Variants in CCDC141 observed in about 807,000 individuals in gnomAD.
CCDC141 encodes coiled-coil domain-containing protein 141.
In CCDC141, 168 loss-of-function variants were observed where a neutral mutation model predicts 181.0. The ratio of observed to expected loss-of-function variants is 0.93; its 90% CI spans 0.82 to 1.05. The LOEUF is 1.05. Among genes scored for constraint, CCDC141 ranks in the 50% least tolerant of loss-of-function variants. The probability of loss-of-function intolerance (pLI) is 0.00; values close to 1 mark genes in which losing one functional copy is unlikely to be tolerated. For missense variants in CCDC141, 1,902 were observed against 1,788.5 expected (o/e 1.06, Z -1.14); for synonymous variants, 666 against 642.3 (o/e 1.04, Z -0.56).
chr2:178,987,287 C>A (rs1691798891), intron 2 of CCDC141, among the ~76,000 whole-genome samples: 1 of 151,990 alleles, frequency 6.6e-6, no homozygotes, highest in African/African-American at 2.4e-5. Context: ...GAACCTGGAT[C>A]CCTTCCTTAC....
intron 7 of CCDC141, among the ~76,000 whole-genome samples, chr2:178,908,359 T>G (rs949769667): frequency 6.6e-6 from 1 of 152,114 alleles, no homozygotes; most frequent in Admixed American, 6.6e-5. Flanking sequence ...CACACCCAGC[T>G]AATTTTTGTA....
intron 8 of CCDC141, among the ~76,000 whole-genome samples, chr2:178,894,236 T>G (rs13426573): frequency 0.11 from 16,193 of 152,040 alleles, 1,568 homozygotes; most frequent in South Asian, 0.32. Context: ...GAAGTACATT[T>G]TGATGCTGGA....
At chr2:178,956,638 C>G (rs539441643) in intron 5 of CCDC141, among the ~76,000 whole-genome samples, 5 of 152,260 alleles carry the variant, frequency 3.3e-5, no homozygotes, top group Admixed American at 2.6e-4. Flanking sequence ...AAATGACTAT[C>G]TTGTTTATTG....
chr2:178,900,873 C>T lies in CCDC141; in HGVS notation c.1265+4456G>A, dbSNP rs116996061. On this transcript the variant is annotated intron_variant, in intron 8 of 23. Transcript: ENST00000443758. ...AAGTACATGAGCAAGGGTTTTCAGA[C>T]ACTGAACAATTAGTAGCACAGGGCA... Among the ~76,000 whole-genome samples the T allele has an allele frequency of 5.7e-4, 87 of 152,214 alleles. No homozygotes were observed. The East Asian group carries it at 0.016, about 28-fold the overall frequency.
intron 8 of CCDC141, among the ~76,000 whole-genome samples, chr2:178,892,427 C>G (rs530692142): frequency 6.6e-6 from 1 of 152,208 alleles, no homozygotes; most frequent in South Asian, 2.1e-4. Flanking sequence ...TCATCTCTGT[C>G]TGATTGGGCA....
intron 11 of CCDC141, among the ~76,000 whole-genome samples, chr2:178,881,258 G>T (rs1229474921): frequency 6.6e-6 from 1 of 152,162 alleles, no homozygotes; most frequent in Non-Finnish European, 1.5e-5. Flanking sequence ...GAGGCTGGGG[G>T]TGGGAGCCAG....
At chr2:178,860,918 A>C (rs1442529271) in intron 17 of CCDC141, among the ~76,000 whole-genome samples, 2 of 152,210 alleles carry the variant, frequency 1.3e-5, no homozygotes, top group Non-Finnish European at 2.9e-5. Flanking sequence ...GATAACCATA[A>C]TTTTAAACTT....
At chr2:178,995,756 T>G (rs1481300802) in intron 2 of CCDC141, among the ~76,000 whole-genome samples, 1 of 152,178 alleles carries the variant, frequency 6.6e-6, no homozygotes, top group Non-Finnish European at 1.5e-5. Context: ...AACAGACAAC[T>G]GAGTGTCTAA....
intron 6 of CCDC141, among the ~76,000 whole-genome samples, chr2:178,927,542 T>C (rs966631276): frequency 1.3e-5 from 2 of 151,966 alleles, no homozygotes; most frequent in African/African-American, 4.8e-5. Context: ...GGGGTCGGTG[T>C]TATCAAGAGA....
intron 2 of CCDC141, among the ~76,000 whole-genome samples, chr2:179,046,688 G>A (rs952008312): frequency 6.6e-6 from 1 of 152,160 alleles, no homozygotes; most frequent in Admixed American, 6.5e-5. Context: ...ATTTGTATTT[G>A]CCCTGGGTCC....
At chr2:179,002,099 TA>T (rs2042001417) in intron 2 of CCDC141, 1 of 199,200 alleles carries the variant, frequency 5.0e-6, no homozygotes, top group Admixed American at 5.6e-5. Flanking sequence ...ATTACAAGCA[TA>T]AGCCACTGCT....
intron 2 of CCDC141, among the ~76,000 whole-genome samples, chr2:179,030,986 A>T (rs2042984090): frequency 6.6e-6 from 1 of 152,072 alleles, no homozygotes; most frequent in African/African-American, 2.4e-5. Flanking sequence ...AGTCTTCTTT[A>T]TTCTCTAAAT....
chr2:178,984,082 T>A (rs1036774958), intron 2 of CCDC141, among the ~76,000 whole-genome samples: 26 of 152,020 alleles, frequency 1.7e-4, no homozygotes, highest in African/African-American at 6.3e-4. Context: ...CGGGTTACCC[T>A]CAAAGGGAAG....
rs763917890 is a variant in CCDC141, at chr2:178,888,622, G to A, written c.1312C>T (p.Arg438Ter). Residue 438 changes from arginine (R) to a stop codon, truncating the protein, a stop_gained, in exon 9 of 24, where the codon CGA becomes TGA. Transcript: ENST00000443758. LOFTEE classifies it high-confidence loss of function. ...CACTGTTCGGTCAGATGATCCACTC[G>A]TCTCTTAATGCACCCCATCATCTCA... ...IHEMMGCIKRRVDHLTEQCSA... is the reference protein window; with the variant it reads ...IHEMMGCIKR 2.6e-5 allele frequency: 40 copies of A among 1,550,582 alleles called. No individual in the cohort carries two copies. The highest frequency in any genetic ancestry group is 3.6e-5 in the South Asian group (3 of 84,050).
At chr2:179,013,764 G>T (rs112081113) in intron 2 of CCDC141, among the ~76,000 whole-genome samples, 2 of 151,640 alleles carry the variant, frequency 1.3e-5, no homozygotes, top group African/African-American at 4.8e-5. Context: ...TCAGGAGATC[G>T]AGACCATCCT....
rs181526395 is a variant in CCDC141 at position 178,831,969 on chromosome 2, A to C, written c.*2204T>G. Reference sequence around the variant, plus strand: ...TTCTGCTCCCCAAAGAGTTAACATGAACAAGCATGCAATAGAGAAAGCAAA... The same window carrying C: ...TTCTGCTCCCCAAAGAGTTAACATGCACAAGCATGCAATAGAGAAAGCAAA... On this transcript the variant is annotated 3_prime_UTR_variant, in exon 24 of 24. Coordinates refer to ENST00000443758, the MANE Select transcript of CCDC141 (RefSeq NM_173648.4). The C allele has an allele frequency of 2.5e-4, 38 of 152,218 alleles. No homozygotes were observed. The highest frequency in any genetic ancestry group is 4.7e-4 in the Non-Finnish European group (32 of 68,006). The allele number at this position is 152,218 out of a possible 1,614,324, so 9.4% of individuals were successfully genotyped here. A position where few individuals can be genotyped will look rare whatever the true frequency, so the allele number is the denominator to read the frequency against.
At chr2:178,821,600 C>G in the CCDC141 span, among the ~76,000 whole-genome samples, 4 of 152,162 alleles carry the variant, frequency 2.6e-5, no homozygotes, top group Non-Finnish European at 4.4e-5. Context: ...GGCCTAAATC[C>G]TCAGAGTTCT....
chr2:178,976,202 A>G (rs1691115406), intron 3 of CCDC141, among the ~76,000 whole-genome samples: 1 of 152,182 alleles, frequency 6.6e-6, no homozygotes, highest in Admixed American at 6.5e-5. Context: ...ACTAAGATTC[A>G]ACAGTAATTA....
chr2:178,834,200 G>GA lies in CCDC141; in HGVS notation c.4565_4566insT (p.Leu1523ProfsTer47), dbSNP rs1684377408. The GA allele has an allele frequency of 3.9e-6, 6 of 1,536,186 alleles. No homozygotes were observed. Among genetic ancestry groups the GA allele is most frequent in the Non-Finnish European group, 5.2e-6 (6 of 1,146,818 alleles). ...ATTGTGTGAGGAGCCAGTACATTAG[G>GA]GACACACTAACATAGACGACACACA... On this transcript the variant is annotated frameshift_variant, in exon 24 of 24. Coordinates refer to ENST00000443758, the MANE Select transcript of CCDC141 (RefSeq NM_173648.4). LOFTEE classifies it high-confidence loss of function.
Sources: gnomAD v4.1 joint callset for allele counts (sites outside exome capture counted in the v4.1 genomes callset) on GRCh38, gnomAD v4.1.1 for gene constraint, MANE v1.5 for transcripts, NCBI Gene and HGNC (gene_info 2026-07-23, HGNC 2026-07-21) for gene names.